STAG1: variants seen among roughly 807,000 people sequenced by gnomAD.
The protein encoded by STAG1 is cohesin subunit SA-1.
A neutral mutation model predicts 170.9 loss-of-function variants in STAG1; 26 were observed. That is an observed-to-expected ratio of 0.15 (90% confidence interval 0.11 to 0.21). The LOEUF (loss-of-function observed/expected upper bound fraction) is 0.21, where lower values mean the gene tolerates loss of function less well. STAG1 is among the 10% of genes least tolerant of loss of function. The pLI, the probability that STAG1 is intolerant of heterozygous loss-of-function variation, is 1.00. For synonymous variants in STAG1, 514 were observed against 497.7 expected (o/e 1.03, Z -0.44); for missense variants, 964 against 1,509.5 (o/e 0.64, Z 5.99).
intron 23 of STAG1, 88 bp from the exon 24 acceptor site, chr3:136,369,370 A>G: frequency 4.8e-6 from 5 of 1,034,320 alleles, no homozygotes; most frequent in South Asian, 2.0e-5. Context: ...ATTAAAACAT[A>G]GTTTAATAGC....
At chr3:136,638,189 C>T (rs528230776) in intron 1 of STAG1, among the ~76,000 whole-genome samples, 3 of 151,210 alleles carry the variant, frequency 2.0e-5, no homozygotes, top group Admixed American at 6.6e-5. Flanking sequence ...TGCAATGGCG[C>T]GATCTCAGAT....
chr3:136,708,543 A>G (rs915022664), intron 1 of STAG1, among the ~76,000 whole-genome samples: 3 of 152,258 alleles, frequency 2.0e-5, no homozygotes, highest in South Asian at 2.1e-4. Context: ...GAAACTAGAG[A>G]TGATTGCACA....
chr3:136,736,583 T>C (rs1934346988), intron 1 of STAG1: 1 of 1,541,040 alleles, frequency 6.5e-7, no homozygotes. Context: ...CTTGGAAGTT[T>C]CGCCAGCTGT....
At chr3:136,406,410 T>C (rs1475833764) in intron 21 of STAG1, among the ~76,000 whole-genome samples, 3 of 152,166 alleles carry the variant, frequency 2.0e-5, no homozygotes, top group East Asian at 3.8e-4. Context: ...GGTGAGCATA[T>C]GACTATAAAA....
At chr3:136,432,522 G>T (rs1385817967) in intron 16 of STAG1, among the ~76,000 whole-genome samples, 1 of 144,018 alleles carries the variant, frequency 6.9e-6, no homozygotes. Context: ...TTTGGGGGGG[G>T]GGGGGCACAG....
intron 14 of STAG1, among the ~76,000 whole-genome samples, chr3:136,445,521 T>C (rs1181090770): frequency 6.6e-6 from 1 of 152,202 alleles, no homozygotes; most frequent in Non-Finnish European, 1.5e-5. Context: ...TTTGAAAAAG[T>C]TCTGGAGATA....
At chr3:136,393,267 A>C (rs11717954) in intron 22 of STAG1, among the ~76,000 whole-genome samples, 1 of 152,018 alleles carries the variant, frequency 6.6e-6, no homozygotes, top group Non-Finnish European at 1.5e-5. Flanking sequence ...AAAAATGGAT[A>C]GAGTTTTAGG....
At chr3:136,719,948 G>C (rs1351496830) in intron 1 of STAG1, among the ~76,000 whole-genome samples, 2 of 151,970 alleles carry the variant, frequency 1.3e-5, no homozygotes, top group African/African-American at 2.4e-5. Context: ...AGGCCAAGGC[G>C]GGCAGGTCAC....
intron 13 of STAG1, among the ~76,000 whole-genome samples, chr3:136,461,013 C>A (rs1046161918): frequency 6.6e-6 from 1 of 152,124 alleles, no homozygotes; most frequent in African/African-American, 2.4e-5. Context: ...ATATCAGGGA[C>A]ACAAAGATAG....
intron 21 of STAG1, among the ~76,000 whole-genome samples, chr3:136,405,503 A>T (rs2087455584): frequency 6.6e-6 from 1 of 151,616 alleles, no homozygotes; most frequent in African/African-American, 2.4e-5. Flanking sequence ...CGACCTCTCA[A>T]AGTGCTGGGA....
intron 1 of STAG1, among the ~76,000 whole-genome samples, chr3:136,671,158 C>G (rs1347523018): frequency 6.6e-6 from 1 of 151,964 alleles, no homozygotes; most frequent in Non-Finnish European, 1.5e-5. Flanking sequence ...GGTGGCGCAG[C>G]CTGTAATCCC....
chr3:136,458,752 AC>A (rs920446075), intron 13 of STAG1, among the ~76,000 whole-genome samples: 13 of 152,206 alleles, frequency 8.5e-5, no homozygotes, highest in African/African-American at 1.9e-4. Flanking sequence ...TTAAAAAAAA[AC>A]ATGACCCAAT....
chr3:136,741,372 A>G (rs915620423), intron 1 of STAG1, among the ~76,000 whole-genome samples: 3 of 152,244 alleles, frequency 2.0e-5, no homozygotes, highest in Non-Finnish European at 4.4e-5. Flanking sequence ...CAGCCTATAA[A>G]TAGGGTAAAA....
chr3:136,715,464 CA>C (rs1344685699), intron 1 of STAG1, among the ~76,000 whole-genome samples: 1 of 151,482 alleles, frequency 6.6e-6, no homozygotes, highest in African/African-American at 2.4e-5. Context: ...ACTAAAAATA[CA>C]AAAAATTAGC....
chr3:136,397,028 T>A (rs2087183794), intron 22 of STAG1, among the ~76,000 whole-genome samples: 1 of 152,110 alleles, frequency 6.6e-6, no homozygotes, highest in Non-Finnish European at 1.5e-5. Flanking sequence ...GGAAAAAAAA[T>A]TCTTACTCTG....
At chr3:136,413,293 A>G (rs944455674) in intron 21 of STAG1, among the ~76,000 whole-genome samples, 4 of 148,702 alleles carry the variant, frequency 2.7e-5, no homozygotes, top group African/African-American at 9.8e-5. Context: ...TATATCGTAT[A>G]CAATATATAT....
chr3:136,621,437 C>T (rs1939843982), intron 3 of STAG1, among the ~76,000 whole-genome samples: 1 of 152,098 alleles, frequency 6.6e-6, no homozygotes, highest in Non-Finnish European at 1.5e-5. Context: ...TGAAACTTGC[C>T]TATGGTCTCA....
At chr3:136,471,437 A>G (rs571448032) in intron 12 of STAG1, among the ~76,000 whole-genome samples, 3 of 152,190 alleles carry the variant, frequency 2.0e-5, no homozygotes, top group Admixed American at 6.6e-5. Flanking sequence ...ATTTTGAAAA[A>G]AAAGACAAAG....
At chr3:136,575,057 A>G (rs183780912) in intron 4 of STAG1, among the ~76,000 whole-genome samples, 78 of 152,334 alleles carry the variant, frequency 5.1e-4, no homozygotes, top group African/African-American at 1.8e-3. Flanking sequence ...TGGTAATGAG[A>G]AAATTTTAAA....
Sources: gnomAD v4.1 joint callset for allele counts (sites outside exome capture counted in the v4.1 genomes callset) on GRCh38, gnomAD v4.1.1 for gene constraint, MANE v1.5 for transcripts, NCBI Gene and HGNC (gene_info 2026-07-23, HGNC 2026-07-21) for gene names.